Variants in ZDHHC15 observed in about 807,000 individuals in gnomAD.
ZDHHC15 encodes palmitoyltransferase ZDHHC15.
In ZDHHC15, 19 loss-of-function variants were observed where a neutral mutation model predicts 31.7. That is an observed-to-expected ratio of 0.60 (90% CI 0.42 to 0.88). The LOEUF is 0.88. ZDHHC15 is among the 40% of genes least tolerant of loss of function. ZDHHC15 has a pLI of 0.00. For synonymous variants in ZDHHC15, 103 were observed against 90.0 expected (o/e 1.14, Z -0.82); for missense variants, 209 against 251.2 (o/e 0.83, Z 1.14).
intron 7 of ZDHHC15, among the ~76,000 whole-genome samples, chrX:75,425,641 C>T (rs368122546): frequency 8.9e-6 from 1 of 111,846 alleles, no homozygotes; most frequent in East Asian, 2.8e-4. Flanking sequence ...TCCTCCTTCC[C>T]TGTGATGATT....
At chrX:75,494,074 C>G (rs1229893073) in intron 2 of ZDHHC15, among the ~76,000 whole-genome samples, 8 of 111,823 alleles carry the variant, frequency 7.2e-5, no homozygotes, top group Non-Finnish European at 1.5e-4. Context: ...TGATAGGCAA[C>G]TTCAGCAAAG....
intron 10 of ZDHHC15, among the ~76,000 whole-genome samples, chrX:75,414,495 T>C (rs2083524158): frequency 1.0e-5 from 1 of 97,203 alleles, no homozygotes; most frequent in African/African-American, 3.8e-5. Context: ...AGCGGCGCGA[T>C]CTCGGCTCAC....
At chrX:75,384,714 T>C (rs1024087271) in intron 10 of ZDHHC15, 3 of 796,982 alleles carry the variant, frequency 3.8e-6, no homozygotes, top group African/African-American at 4.1e-5. Context: ...AAGAGAAAGG[T>C]ACCTGTGTTC....
intron 10 of ZDHHC15, among the ~76,000 whole-genome samples, chrX:75,416,073 A>T (rs758489799): frequency 8.9e-6 from 1 of 112,263 alleles, no homozygotes; most frequent in Admixed American, 9.5e-5. Flanking sequence ...CAGCAGGAGG[A>T]AGTAAGGGAG....
In ZDHHC15 at chrX:75,429,089, T is replaced by G; in HGVS notation, c.592A>C (p.Lys198Gln). Reference sequence around the variant, plus strand: ...TATTTTTAACTTACTCTCCAGTATTTGATGAAATAGCTGAAGACTGTCGTA... The same window carrying G: ...TATTTTTAACTTACTCTCCAGTATTGGATGAAATAGCTGAAGACTGTCGTA... Reference protein sequence around the residue: ...IATTVFSYFIKYWRGELPSVR... With the variant: ...IATTVFSYFIQYWRGELPSVR... Residue 198 changes from lysine (K) to glutamine (Q), a missense_variant, in exon 7 of 12, where the codon AAA (lysine) becomes CAA (glutamine). Physicochemically the swap from Lys to Gln is moderately conservative, Grantham distance 53. Coordinates refer to ENST00000373367, the MANE Select transcript of ZDHHC15 (RefSeq NM_144969.3). 1 of 1,208,606 alleles carries G rather than the reference T, an allele frequency of 8.3e-7. No individual in the cohort carries two copies. Among genetic ancestry groups the G allele is most frequent in the Middle Eastern group, 2.3e-4 (1 of 4,343 alleles).
intron 2 of ZDHHC15, among the ~76,000 whole-genome samples, chrX:75,485,228 CA>C (rs751946485): frequency 9.0e-6 from 1 of 111,272 alleles, no homozygotes; most frequent in East Asian, 2.8e-4. Context: ...ATAAATCTGA[CA>C]AAAACAAAGA....
chrX:75,520,114 C>A (rs2085422270), intron 1 of ZDHHC15, among the ~76,000 whole-genome samples: 1 of 111,933 alleles, frequency 8.9e-6, no homozygotes, highest in Non-Finnish European at 1.9e-5. Flanking sequence ...CCTCAGTTTA[C>A]AAACAAGTAA....
intron 10 of ZDHHC15, among the ~76,000 whole-genome samples, chrX:75,391,747 A>C (rs2083244477): frequency 8.9e-6 from 1 of 112,398 alleles, no homozygotes; most frequent in Non-Finnish European, 1.9e-5. Flanking sequence ...AAGAATGTTA[A>C]TGAGCAAAAA....
chrX:75,385,750 C>T (rs1253314188), intron 10 of ZDHHC15, among the ~76,000 whole-genome samples: 3 of 111,252 alleles, frequency 2.7e-5, no homozygotes, highest in South Asian at 3.8e-4. Flanking sequence ...AATCTAGATC[C>T]TATCTAATCT....
intron 2 of ZDHHC15, among the ~76,000 whole-genome samples, chrX:75,496,751 A>T (rs1185955684): frequency 8.9e-6 from 1 of 111,941 alleles, no homozygotes; most frequent in Non-Finnish European, 1.9e-5. Context: ...CTGCTCCTGG[A>T]TCAACAGTAA....
rs369193153 is a variant in ZDHHC15, at chrX:75,450,793, T to A, written c.379+9A>T. On this transcript the variant is annotated intron_variant, in intron 4 of 11. Coordinates refer to ENST00000373367, the MANE Select transcript of ZDHHC15 (RefSeq NM_144969.3). ...AGCTGCCTCTCTAGCTGCCTTTGGA[T>A]GAACTGACCTCCACTTCCAGTTCTT... is the stretch of plus-strand genomic sequence containing the variant. The A allele has an allele frequency of 6.6e-6, 8 of 1,208,822 alleles. No individual in the cohort carries two copies. The highest frequency in any genetic ancestry group is 3.5e-5 in the African/African-American group (2 of 57,129).
At chrX:75,373,394 G>A (rs2147742173) in intron 11 of ZDHHC15, among the ~76,000 whole-genome samples, 1 of 111,444 alleles carries the variant, frequency 9.0e-6, no homozygotes, top group African/African-American at 3.3e-5. Context: ...AATGTCAATG[G>A]ATCCTAGTTT....
At chrX:75,450,611 T>G (rs760835359) in intron 4 of ZDHHC15, 191 bp downstream of exon 4, 5 of 893,261 alleles carry the variant, frequency 5.6e-6, no homozygotes, top group Non-Finnish European at 7.6e-6. Flanking sequence ...GTATACAGTT[T>G]GTTTACTATA....
intron 7 of ZDHHC15, among the ~76,000 whole-genome samples, chrX:75,427,875 A>T (rs1016447932): frequency 5.4e-5 from 6 of 111,337 alleles, no homozygotes; most frequent in African/African-American, 2.0e-4. Flanking sequence ...TGATTAAGCA[A>T]GTTGAAAGGG....
At chrX:75,388,801 A>G (rs2083209012) in intron 10 of ZDHHC15, among the ~76,000 whole-genome samples, 2 of 112,079 alleles carry the variant, frequency 1.8e-5, no homozygotes, top group Admixed American at 1.9e-4. Flanking sequence ...GTGGAGCAAG[A>G]TGGCTGAATA....
chrX:75,437,191 T>C (rs1010508247), intron 4 of ZDHHC15, among the ~76,000 whole-genome samples: 3 of 111,437 alleles, frequency 2.7e-5, no homozygotes, highest in African/African-American at 9.8e-5. Flanking sequence ...CCTGTAAATA[T>C]CTGTTAAGTC....
intron 9 of ZDHHC15, 65 bp from the exon 10 acceptor site, chrX:75,417,255 C>A: frequency 2.5e-6 from 2 of 791,358 alleles, no homozygotes; most frequent in South Asian, 2.6e-5. Flanking sequence ...GGTTATAATC[C>A]TCTTAAAAAC....
intron 4 of ZDHHC15, among the ~76,000 whole-genome samples, 162 bp from the exon 5 acceptor site, chrX:75,431,682 T>C (rs1173570761): frequency 9.0e-6 from 1 of 111,222 alleles, no homozygotes; most frequent in Non-Finnish European, 1.9e-5. Context: ...AATTGGGGTA[T>C]ATATTTTTTT....
At chrX:75,374,357 A>G (rs1048494060) in intron 11 of ZDHHC15, among the ~76,000 whole-genome samples, 12 of 110,273 alleles carry the variant, frequency 1.1e-4, no homozygotes, top group African/African-American at 4.0e-4. Context: ...CACGTTCTGC[A>G]CATGTGTCCC....
Sources: gnomAD v4.1 joint callset for allele counts (sites outside exome capture counted in the v4.1 genomes callset) on GRCh38, gnomAD v4.1.1 for gene constraint, MANE v1.5 for transcripts, NCBI Gene and HGNC (gene_info 2026-07-23, HGNC 2026-07-21) for gene names.